Variants in CLEC16A observed in about 807,000 individuals in gnomAD.
The protein encoded by CLEC16A is protein CLEC16A.
CLEC16A carries 51 observed loss-of-function variants against 109.5 expected under a neutral mutation model. The ratio of observed to expected loss-of-function variants is 0.47; its 90% CI spans 0.37 to 0.59. The LOEUF (loss-of-function observed/expected upper bound fraction) is 0.59, where lower values mean the gene tolerates loss of function less well. Ranked by LOEUF, CLEC16A falls within the 20% of genes least tolerant of loss-of-function variation. The pLI, the probability that CLEC16A is intolerant of heterozygous loss-of-function variation, is 0.00. For synonymous variants in CLEC16A, 673 were observed against 564.2 expected, an observed-to-expected ratio of 1.19 and a Z score of -2.73; for missense variants, 1,339 against 1,394.0, an observed-to-expected ratio of 0.96 and a Z score of 0.63.
intron 12 of CLEC16A, among the ~76,000 whole-genome samples, chr16:11,020,574 C>T (rs1457324701): frequency 6.6e-6 from 1 of 152,240 alleles, no homozygotes; most frequent in Non-Finnish European, 1.5e-5. Context: ...CTGCCCTGCT[C>T]CTGGCACTTT....
Position 10,957,833 on chromosome 16 carries a change from G to A in CLEC16A, c.132G>A (p.Arg44=), listed in dbSNP as rs771009990. Residue 44 remains arginine (R), a synonymous_variant, in exon 2 of 24, where the codon CGG becomes CGA. Transcript: ENST00000409790. ...ACACCACAGTCACAGAACAGAACCGGAACCTGCTAGTGGAGACCATCCGTT... is the reference window on the plus strand; with the variant it reads ...ACACCACAGTCACAGAACAGAACCGAAACCTGCTAGTGGAGACCATCCGTT... ...TKNTTVTEQN[R]NLLVETIRSI... 6.2e-7 allele frequency: 1 copy of A among 1,613,754 alleles called. No individual in the cohort carries two copies. Among genetic ancestry groups the A allele is most frequent in the South Asian group, 1.1e-5 (1 of 91,076 alleles).
At chr16:11,117,811 T>A (rs765231037) in intron 19 of CLEC16A, among the ~76,000 whole-genome samples, 3 of 152,148 alleles carry the variant, frequency 2.0e-5, no homozygotes, top group Non-Finnish European at 2.9e-5. Context: ...TTGGGGACAT[T>A]TAGGTTGTTT....
At chr16:10,995,347 G>T (rs1164742496) in intron 10 of CLEC16A, among the ~76,000 whole-genome samples, 1 of 152,220 alleles carries the variant, frequency 6.6e-6, no homozygotes, top group Non-Finnish European at 1.5e-5. Flanking sequence ...TCCCACCCTG[G>T]CTTTGTACCT....
At chr16:11,075,453 T>C (rs2049318167) in intron 19 of CLEC16A, among the ~76,000 whole-genome samples, 1 of 150,872 alleles carries the variant, frequency 6.6e-6, no homozygotes, top group African/African-American at 2.4e-5. Context: ...TGTGTGTGTT[T>C]TGAGACATGG....
intron 22 of CLEC16A, among the ~76,000 whole-genome samples, chr16:11,153,378 G>C (rs141841548): frequency 6.6e-6 from 1 of 152,006 alleles, no homozygotes; most frequent in East Asian, 1.9e-4. Context: ...ATGACCCCTG[G>C]AGCACTTGTG....
rs935288389 is a variant in CLEC16A at position 11,151,818 on chromosome 16, C to T, written c.2642-14570C>T. ...CAAGTAATGAGTACTCAGCCACTTT[C>T]GGGGGGCGGGGGCCGGCTGGGGAAG... On this transcript the variant is annotated intron_variant, in intron 22 of 23. Coordinates refer to ENST00000409790, the MANE Select transcript of CLEC16A (RefSeq NM_015226.3). Among the ~76,000 whole-genome samples the T allele has an allele frequency of 2.0e-5, 3 of 152,130 alleles. No homozygotes were observed. The East Asian group carries it at 5.8e-4, about 29-fold the overall frequency.
rs76611790 is a variant in CLEC16A at position 11,020,272 on chromosome 16, G to A, written c.1383G>A (p.Thr461=). 8.7e-4 allele frequency: 1,407 copies of A among 1,613,720 alleles called. 9 individuals carry two copies. The African/African-American group carries it at 0.017, about 19-fold the overall frequency. The stretch of plus-strand genomic sequence containing the variant: ...CCTCCGTGCAGGAGCAGAACACCAC[G>A]GACGAGGAGAAAAGCGCCGCCGCCA... ...ASTSVQEQNT[T]DEEKSAAATC... Residue 461 remains threonine, a synonymous_variant, in exon 12 of 24, where the codon ACG becomes ACA. Transcript: ENST00000409790.
At position 10,971,361 on chromosome 16, in the gene CLEC16A, C is replaced by T. The variant is rs183861674; in HGVS notation, c.598+131C>T. The T allele has an allele frequency of 1.2e-5, 10 of 819,712 alleles. No individual in the cohort carries two copies. In the African/African-American group the frequency reaches 1.8e-4, roughly 14 times the overall value. 50.8% of individuals were successfully genotyped at this position (819,712 alleles called of 1,614,324 possible). A position where few individuals can be genotyped will look rare whatever the true frequency, so the allele number is the denominator to read the frequency against. ...TTGATGATGAGCCGTGGCAGCTTCT[C>T]TCATGAAAAACTTGGAATCCCCTAG... On this transcript the variant is annotated intron_variant, in intron 5 of 23. Transcript: ENST00000409790.
At chr16:11,075,414 G>GTA (rs1177172045) in intron 19 of CLEC16A, among the ~76,000 whole-genome samples, 1 of 120,366 alleles carries the variant, frequency 8.3e-6, no homozygotes, top group African/African-American at 3.1e-5. Flanking sequence ...GTGTGTGTCT[G>GTA]TGTGTGTGTG....
chr16:10,973,882 G>A (rs932234099), intron 7 of CLEC16A, among the ~76,000 whole-genome samples: 50 of 110,456 alleles, frequency 4.5e-4, no homozygotes, highest in African/African-American at 1.8e-3. Context: ...GTAAGGGGCT[G>A]CTTGCTTTTT....
chr16:11,113,488 A>G (rs1220736388), intron 19 of CLEC16A, among the ~76,000 whole-genome samples: 1 of 151,940 alleles, frequency 6.6e-6, no homozygotes, highest in Non-Finnish European at 1.5e-5. Context: ...GCACAACCCC[A>G]TCTCTACAAA....
At chr16:10,987,505 A>T (rs536212990) in intron 10 of CLEC16A, among the ~76,000 whole-genome samples, 52 of 152,258 alleles carry the variant, frequency 3.4e-4, no homozygotes, top group Non-Finnish European at 4.1e-4. Context: ...TGCCTTTGGG[A>T]TGTAAGAGCC....
At chr16:11,069,710 A>ACCTCAGCCTCCCAAAGTGTTG in intron 19 of CLEC16A, among the ~76,000 whole-genome samples, 1 of 152,014 alleles carries the variant, frequency 6.6e-6, no homozygotes. Context: ...CCAAAGTGCC[A>ACCTCAGCCTCCCAAAGTGTTG]GGATTATAGG....
chr16:11,176,956 G>A (rs2068772906), intron 23 of CLEC16A, among the ~76,000 whole-genome samples: 1 of 151,824 alleles, frequency 6.6e-6, no homozygotes. Flanking sequence ...TGTTCCATTT[G>A]CTCTTCTGTT....
intron 23 of CLEC16A, among the ~76,000 whole-genome samples, chr16:11,167,509 G>A (rs921312201): frequency 6.6e-6 from 1 of 152,106 alleles, no homozygotes; most frequent in Non-Finnish European, 1.5e-5. Flanking sequence ...GAGGTCGAGG[G>A]CCCTTGGTCA....
chr16:11,080,152 TGC>T (rs1237842575), intron 19 of CLEC16A, among the ~76,000 whole-genome samples: 12 of 152,304 alleles, frequency 7.9e-5, no homozygotes, highest in African/African-American at 2.6e-4. Flanking sequence ...CCCACTCCCG[TGC>T]GCGTCCATCC....
chr16:11,007,307 C>CT (rs34643506), intron 11 of CLEC16A, among the ~76,000 whole-genome samples: 41,926 of 151,990 alleles, frequency 0.28, 5,854 homozygotes, highest in Middle Eastern at 0.33. Context: ...AGAGACCCAT[C>CT]TTGCCTTTTT....
At chr16:11,165,654 G>A (rs1041596384) in intron 22 of CLEC16A, among the ~76,000 whole-genome samples, 4 of 152,126 alleles carry the variant, frequency 2.6e-5, no homozygotes, top group African/African-American at 7.2e-5. Flanking sequence ...CACAATAGCT[G>A]TTCAAGTGTC....
Position 10,944,594 on chromosome 16 carries a change from G to C in CLEC16A, c.-124G>C, listed in dbSNP as rs893448907. On this transcript the variant is annotated 5_prime_UTR_variant, in exon 1 of 24. Coordinates refer to ENST00000409790, the MANE Select transcript of CLEC16A (RefSeq NM_015226.3). ...TGGGCTGTGGGCCGGGGAGGAAGGC[G>C]GCTCGCGGTTCCTCCACCGCCTCCG... The C allele has an allele frequency of 5.4e-6, 5 of 917,600 alleles. No homozygotes were observed. Among genetic ancestry groups the C allele is most frequent in the Admixed American group, 4.7e-5 (2 of 42,640 alleles). 56.8% of individuals were successfully genotyped at this position (917,600 alleles called of 1,614,324 possible). A position where few individuals can be genotyped will look rare whatever the true frequency, so the allele number is the denominator to read the frequency against.
Sources: gnomAD v4.1 joint callset for allele counts (sites outside exome capture counted in the v4.1 genomes callset) on GRCh38, gnomAD v4.1.1 for gene constraint, MANE v1.5 for transcripts, NCBI Gene and HGNC (gene_info 2026-07-23, HGNC 2026-07-21) for gene names.